The following ANO2 variants were observed in gnomAD, a reference collection of about 807,000 sequenced individuals.
ANO2 encodes the protein anoctamin 2.
In ANO2, 101 loss-of-function variants were observed where a neutral mutation model predicts 124.2. The observed-to-expected ratio is 0.81, with a 90% CI of 0.69 to 0.96. The LOEUF (loss-of-function observed/expected upper bound fraction) is 0.96, where lower values mean the gene tolerates loss of function less well. Among genes scored for constraint, ANO2 ranks in the 40% least tolerant of loss-of-function variants. The pLI, the probability that ANO2 is intolerant of heterozygous loss-of-function variation, is 0.00. For missense variants in ANO2, 1,293 were observed against 1,274.5 expected (o/e 1.01, Z -0.22); for synonymous variants, 486 against 482.5 (o/e 1.01, Z -0.09).
chr12:5,763,665 A>G (rs755269808), intron 10 of ANO2, among the ~76,000 whole-genome samples: 4 of 152,166 alleles, frequency 2.6e-5, no homozygotes, highest in Non-Finnish European at 5.9e-5. Context: ...GAAAATAACA[A>G]AACAGCGTAT....
intron 14 of ANO2, among the ~76,000 whole-genome samples, chr12:5,697,010 G>C (rs576208264): frequency 6.6e-6 from 1 of 152,274 alleles, no homozygotes; most frequent in South Asian, 2.1e-4. Context: ...CTATGTACCA[G>C]TAAAATACTA....
intron 3 of ANO2, among the ~76,000 whole-genome samples, chr12:5,865,100 C>G (rs911351824): frequency 6.6e-6 from 1 of 152,196 alleles, no homozygotes; most frequent in East Asian, 1.9e-4. Flanking sequence ...TCCCCTCCCC[C>G]ACAAGGATAT....
intron 14 of ANO2, among the ~76,000 whole-genome samples, chr12:5,671,648 G>A (rs1234738759): frequency 1.3e-5 from 2 of 152,146 alleles, no homozygotes; most frequent in South Asian, 2.1e-4. Flanking sequence ...GCTGCAGCTT[G>A]CATTTGTTTG....
intron 20 of ANO2, among the ~76,000 whole-genome samples, chr12:5,580,247 T>C (rs1041895703): frequency 1.3e-5 from 2 of 152,226 alleles, no homozygotes; most frequent in Non-Finnish European, 2.9e-5. Flanking sequence ...ACAAAATATG[T>C]ACAATGTACA....
At chr12:5,807,464 C>T (rs572022468) in intron 7 of ANO2, 96 bp from the exon 8 acceptor site, 4 of 1,057,012 alleles carry the variant, frequency 3.8e-6, no homozygotes, top group African/African-American at 1.6e-5. Context: ...CATGCCCCCC[C>T]AGTTGAGAAT....
chr12:5,639,255 G>C (rs1211991250), intron 15 of ANO2, among the ~76,000 whole-genome samples: 1 of 152,124 alleles, frequency 6.6e-6, no homozygotes, highest in African/African-American at 2.4e-5. Context: ...AAAAATACAG[G>C]CACGCGCACA....
intron 16 of ANO2, among the ~76,000 whole-genome samples, chr12:5,625,247 G>A (rs571326374): frequency 2.0e-5 from 3 of 152,234 alleles, no homozygotes; most frequent in South Asian, 4.2e-4. Flanking sequence ...AATTGTGAGT[G>A]TGTTGTTGTC....
intron 3 of ANO2, among the ~76,000 whole-genome samples, chr12:5,914,779 A>C (rs1240388625): frequency 6.6e-6 from 1 of 152,180 alleles, no homozygotes; most frequent in African/African-American, 2.4e-5. Flanking sequence ...CTGCAAGGTG[A>C]GAGGTCTTTA....
Position 5,923,247 on chromosome 12 carries a change from T to TACACACACACGC in ANO2, c.23-444_23-443insGCGTGTGTGTGT, listed in dbSNP as rs1941904487. On this transcript the variant is annotated intron_variant, in intron 1 of 24. Coordinates refer to ENST00000682330, the MANE Select transcript of ANO2 (RefSeq NM_001364791.2). Reference sequence around the variant, plus strand: ...ACACATGCACACATACACACACGCATACACACACATACACACACACACACA... The same window carrying TACACACACACGC: ...ACACATGCACACATACACACACGCATACACACACACGCACACACACATACACACACACACACA... Among the ~76,000 whole-genome samples, 5 of 42,890 alleles carry TACACACACACGC rather than the reference T, an allele frequency of 1.2e-4. 1 individual carries two copies. Among genetic ancestry groups the TACACACACACGC allele is most frequent in the East Asian group, 1.3e-3 (1 of 744 alleles). The allele number at this position is 42,890 out of a possible 152,430, so 28.1% of individuals were successfully genotyped here. A position where few individuals can be genotyped will look rare whatever the true frequency, so the allele number is the denominator to read the frequency against.
intron 14 of ANO2, among the ~76,000 whole-genome samples, chr12:5,664,793 C>G (rs956369624): frequency 6.6e-6 from 1 of 152,168 alleles, no homozygotes; most frequent in African/African-American, 2.4e-5. Context: ...CGCATAGCCT[C>G]TCTCTCTCTT....
At chr12:5,855,487 G>T (rs1038095462) in intron 3 of ANO2, among the ~76,000 whole-genome samples, 10 of 152,240 alleles carry the variant, frequency 6.6e-5, no homozygotes, top group African/African-American at 2.2e-4. Flanking sequence ...GAGGAAGAAA[G>T]CTCATGACTT....
rs114285744 is a variant in ANO2 at position 5,621,334 on chromosome 12, A to G, written c.1817-6037T>C. 3.6e-3 allele frequency among the ~76,000 whole-genome samples: 541 copies of G among 152,360 alleles called. 8 individuals are homozygous for G. The highest frequency in any genetic ancestry group is 0.013 in the African/African-American group (521 of 41,580). ...AAATGTGTTTGGAAGAATGAAAAAA[A>G]ATTTTGTCCCATATTAAAAATTCCC... On this transcript the variant is annotated intron_variant, in intron 16 of 24. Coordinates refer to ENST00000682330, the MANE Select transcript of ANO2 (RefSeq NM_001364791.2).
At chr12:5,693,601 T>C (rs1243902425) in intron 14 of ANO2, among the ~76,000 whole-genome samples, 1 of 152,136 alleles carries the variant, frequency 6.6e-6, no homozygotes, top group Non-Finnish European at 1.5e-5. Flanking sequence ...CCCTGGTGAC[T>C]TCCCATCTCA....
At chr12:5,598,190 C>T (rs1303951332) in intron 20 of ANO2, among the ~76,000 whole-genome samples, 2 of 152,132 alleles carry the variant, frequency 1.3e-5, no homozygotes, top group African/African-American at 4.8e-5. Flanking sequence ...ACTGACGGCC[C>T]TCTGCTACAA....
chr12:5,600,858 G>C (rs1943907161), intron 19 of ANO2, among the ~76,000 whole-genome samples: 1 of 152,138 alleles, frequency 6.6e-6, no homozygotes. Context: ...CTTCACCCAA[G>C]ACCACCCAAC....
At chr12:5,824,242 T>A (rs981083379) in intron 7 of ANO2, among the ~76,000 whole-genome samples, 2 of 152,162 alleles carry the variant, frequency 1.3e-5, no homozygotes, top group Non-Finnish European at 2.9e-5. Context: ...GAAAAATGGG[T>A]TTTTCTTTTC....
At chr12:5,581,781 C>A (rs1413643959) in intron 20 of ANO2, among the ~76,000 whole-genome samples, 3 of 152,188 alleles carry the variant, frequency 2.0e-5, no homozygotes, top group Admixed American at 1.3e-4. Context: ...TGACAAGATC[C>A]TCCTGTCCCC....
intron 16 of ANO2, among the ~76,000 whole-genome samples, chr12:5,623,855 G>T (rs891661149): frequency 6.6e-6 from 1 of 152,230 alleles, no homozygotes; most frequent in African/African-American, 2.4e-5. Context: ...ACAACCAACT[G>T]GGCTGCCCTT....
In ANO2 at chr12:5,575,824, A is replaced by G; in HGVS notation, c.2621+10T>C. ...GTCCTCTGCTGCCCTTCTCCTGAAG[A>G]TTACTTTACCTGCAGAACTGAACCT... is the stretch of plus-strand genomic sequence containing the variant. On this transcript the variant is annotated intron_variant, in intron 23 of 24. Coordinates refer to ENST00000682330, the MANE Select transcript of ANO2 (RefSeq NM_001364791.2). 1 of 1,612,646 alleles carries G rather than the reference A, an allele frequency of 6.2e-7. No individual in the cohort carries two copies.
Sources: allele counts gnomAD v4.1 joint callset (sites outside exome capture counted in the v4.1 genomes callset), GRCh38; gene constraint gnomAD v4.1.1; transcripts MANE v1.5; gene names NCBI Gene and HGNC (gene_info 2026-07-23, HGNC 2026-07-21).